Variants in LARGE1 observed in about 807,000 individuals in gnomAD.
The protein encoded by LARGE1 is LARGE xylosyl- and glucuronyltransferase 1, also known as xylosyl- and glucuronyltransferase LARGE1.
Under a neutral mutation model 87.6 loss-of-function variants are expected in LARGE1, and 43 were observed. The observed-to-expected ratio is 0.49, with a 90% CI of 0.38 to 0.63. LARGE1 has a LOEUF of 0.63. Among genes scored for constraint, LARGE1 ranks in the 30% least tolerant of loss-of-function variants. The pLI, the probability that LARGE1 is intolerant of heterozygous loss-of-function variation, is 0.00. For synonymous variants in LARGE1, 434 were observed against 394.6 expected, an observed-to-expected ratio of 1.10 and a Z score of -1.18; for missense variants, 802 against 1,000.2, an observed-to-expected ratio of 0.80 and a Z score of 2.67.
downstream of LARGE1, among the ~76,000 whole-genome samples, chr22:33,271,972 C>T (rs1175454724): frequency 2.0e-5 from 3 of 152,192 alleles, no homozygotes; most frequent in Non-Finnish European, 2.9e-5. Flanking sequence ...TAGTTTATGC[C>T]TATTGTGTAA....
chr22:33,240,018 A>G (rs2145683440), intron 11 of LARGE1, among the ~76,000 whole-genome samples: 1 of 152,324 alleles, frequency 6.6e-6, no homozygotes, highest in East Asian at 1.9e-4. Flanking sequence ...GACGCCTATG[A>G]GTGAAAAGCC....
chr22:33,255,383 G>A (rs998626967), intron 11 of LARGE1, among the ~76,000 whole-genome samples: 10 of 152,144 alleles, frequency 6.6e-5, no homozygotes, highest in African/African-American at 2.4e-4. Flanking sequence ...ATGGAACAAC[G>A]CGTGGACACT....
chr22:33,534,470 T>G (rs1175405126), intron 6 of LARGE1, among the ~76,000 whole-genome samples: 1 of 149,796 alleles, frequency 6.7e-6, no homozygotes, highest in African/African-American at 2.5e-5. Flanking sequence ...CATCCACGAG[T>G]GAGGGTCCAG....
intron 1 of LARGE1, among the ~76,000 whole-genome samples, chr22:33,761,774 TCACA>T (rs144502131): frequency 2.0e-5 from 3 of 151,910 alleles, no homozygotes; most frequent in East Asian, 3.9e-4. Context: ...GCTCGCTCTC[TCACA>T]CACACACACA....
At chr22:33,919,788 G>A (rs1196523584) in intron 1 of LARGE1, among the ~76,000 whole-genome samples, 1 of 152,208 alleles carries the variant, frequency 6.6e-6, no homozygotes, top group Admixed American at 6.5e-5. Flanking sequence ...AAGCCGAGCA[G>A]GCCCTGAGGG....
chr22:33,145,157 T>TA, the LARGE1 span, among the ~76,000 whole-genome samples: 1 of 152,016 alleles, frequency 6.6e-6, no homozygotes, highest in East Asian at 1.9e-4. Flanking sequence ...TACTATGAAA[T>TA]ACAAAAACAT....
intron 6 of LARGE1, among the ~76,000 whole-genome samples, chr22:33,527,647 C>A (rs972248588): frequency 6.6e-6 from 1 of 152,162 alleles, no homozygotes; most frequent in Non-Finnish European, 1.5e-5. Flanking sequence ...CTCCTCTACA[C>A]CCTCTTTAGA....
chr22:33,372,748 GT>G (rs1439046884), intron 9 of LARGE1, among the ~76,000 whole-genome samples: 5 of 152,100 alleles, frequency 3.3e-5, no homozygotes, highest in African/African-American at 1.2e-4. Flanking sequence ...AATAAGATGT[GT>G]TTTGATGAAT....
chr22:33,224,149 C>T (rs1925603433), intron 11 of LARGE1, among the ~76,000 whole-genome samples: 1 of 152,098 alleles, frequency 6.6e-6, no homozygotes, highest in Non-Finnish European at 1.5e-5. Context: ...ACCTGTTGTT[C>T]CAGCTACTCG....
At chr22:33,199,154 T>A (rs556643630) in intron 11 of LARGE1, among the ~76,000 whole-genome samples, 2 of 152,178 alleles carry the variant, frequency 1.3e-5, no homozygotes, top group East Asian at 1.9e-4. Context: ...GTCTTCTTTT[T>A]AAAAATATCT....
intron 2 of LARGE1, among the ~76,000 whole-genome samples, chr22:33,705,123 G>A (rs575197730): frequency 2.0e-5 from 3 of 152,242 alleles, no homozygotes; most frequent in South Asian, 4.1e-4. Context: ...CGTCTCATGC[G>A]TCTGACAGGT....
At chr22:33,735,951 T>C (rs2083640578) in intron 2 of LARGE1, among the ~76,000 whole-genome samples, 1 of 152,266 alleles carries the variant, frequency 6.6e-6, no homozygotes, top group Non-Finnish European at 1.5e-5. Context: ...TCACCCATGT[T>C]ATAGCATGTA....
At chr22:33,839,225 A>G (rs929529805) in intron 1 of LARGE1, among the ~76,000 whole-genome samples, 1 of 152,184 alleles carries the variant, frequency 6.6e-6, no homozygotes, top group Non-Finnish European at 1.5e-5. Context: ...GTAAAAGAGG[A>G]GCAGACACGT....
intron 7 of LARGE1, among the ~76,000 whole-genome samples, chr22:33,398,177 T>C (rs1266773340): frequency 6.6e-6 from 1 of 151,964 alleles, no homozygotes; most frequent in Non-Finnish European, 1.5e-5. Context: ...TGATGCCTGC[T>C]GCCTACTTTG....
chr22:33,615,292 C>T (rs1372181283), intron 4 of LARGE1, among the ~76,000 whole-genome samples: 1 of 151,848 alleles, frequency 6.6e-6, no homozygotes, highest in Non-Finnish European at 1.5e-5. Flanking sequence ...CCAAAAAGAT[C>T]CAAATGCCCT....
At chr22:33,497,327 T>C (rs1237420765) in intron 6 of LARGE1, among the ~76,000 whole-genome samples, 1 of 152,112 alleles carries the variant, frequency 6.6e-6, no homozygotes, top group Non-Finnish European at 1.5e-5. Context: ...CCACCCACCT[T>C]GGCCTCCCAA....
At chr22:33,472,515 A>C (rs893136285) in intron 6 of LARGE1, among the ~76,000 whole-genome samples, 1 of 152,052 alleles carries the variant, frequency 6.6e-6, no homozygotes, top group Non-Finnish European at 1.5e-5. Context: ...TTGTTGCTAT[A>C]ATTAGAGGAT....
chr22:33,890,132 C>T lies in LARGE1; in HGVS notation c.-83+29863G>A, dbSNP rs2064966831. Among the ~76,000 whole-genome samples, 4 of 152,326 alleles carry T rather than the reference C, an allele frequency of 2.6e-5. No homozygotes were observed. The South Asian group carries it at 8.3e-4, about 32-fold the overall frequency. ...GAGGGGAACTAGCGACCCATGTGCA[C>T]CTGCCACATTCTAGGAACAGAGCTA... On this transcript the variant is annotated intron_variant, in intron 1 of 14. Transcript: ENST00000397394.
At chr22:33,869,146 G>T (rs1303213622) in intron 1 of LARGE1, among the ~76,000 whole-genome samples, 1 of 151,990 alleles carries the variant, frequency 6.6e-6, no homozygotes, top group African/African-American at 2.4e-5. Flanking sequence ...CATCATTCTG[G>T]CCCTCTCTTA....
Sources: allele counts gnomAD v4.1 joint callset (sites outside exome capture counted in the v4.1 genomes callset), GRCh38; gene constraint gnomAD v4.1.1; transcripts MANE v1.5; gene names NCBI Gene and HGNC (gene_info 2026-07-23, HGNC 2026-07-21).